Variants in GALM observed in about 807,000 individuals in gnomAD.
GALM encodes the protein aldose 1-epimerase.
GALM carries 43 observed loss-of-function variants against 37.4 expected under a neutral mutation model. That is an observed-to-expected ratio of 1.15 (90% CI 0.90 to 1.48). GALM has a LOEUF of 1.48. GALM is among the 40% of genes most tolerant of loss of function. GALM has a pLI of 0.00. For missense variants in GALM, 456 were observed against 419.1 expected (o/e 1.09, Z -0.77); for synonymous variants, 199 against 170.6 (o/e 1.17, Z -1.30).
intron 6 of GALM, among the ~76,000 whole-genome samples, chr2:38,732,806 G>A (rs963938531): frequency 6.6e-6 from 1 of 151,800 alleles, no homozygotes; most frequent in South Asian, 2.1e-4. Context: ...TGTGGCCCCA[G>A]CTACTTGGGA....
chr2:38,727,735 A>G (rs1256188566), intron 4 of GALM, among the ~76,000 whole-genome samples: 1 of 152,002 alleles, frequency 6.6e-6, no homozygotes, highest in Non-Finnish European at 1.5e-5. Context: ...AAAAAAAAAA[A>G]AAAAAGAAAA....
At chr2:38,715,650 C>G (rs1420016744) in intron 4 of GALM, among the ~76,000 whole-genome samples, 1 of 152,142 alleles carries the variant, frequency 6.6e-6, no homozygotes, top group Non-Finnish European at 1.5e-5. Context: ...CCTGGCTGGT[C>G]TTGAACTCCT....
At chr2:38,671,988 A>G (rs1193857621) in intron 1 of GALM, among the ~76,000 whole-genome samples, 1 of 151,990 alleles carries the variant, frequency 6.6e-6, no homozygotes, top group African/African-American at 2.4e-5. Flanking sequence ...CCTGTCTCAA[A>G]AAAACAAAAA....
chr2:38,728,284 C>T (rs369881625), intron 4 of GALM, among the ~76,000 whole-genome samples: 1 of 151,666 alleles, frequency 6.6e-6, no homozygotes, highest in African/African-American at 2.4e-5. Context: ...ATCCCAGCTA[C>T]TTGGGAGGCT....
chr2:38,698,052 T>C (rs968334403), intron 4 of GALM, among the ~76,000 whole-genome samples: 1 of 151,944 alleles, frequency 6.6e-6, no homozygotes, highest in Non-Finnish European at 1.5e-5. Flanking sequence ...CAAATGATCC[T>C]CTTGCTTCAG....
chr2:38,710,719 T>G (rs1028812976), intron 4 of GALM, among the ~76,000 whole-genome samples: 2 of 151,938 alleles, frequency 1.3e-5, no homozygotes, highest in Non-Finnish European at 2.9e-5. Context: ...CTATTTTTCT[T>G]ATGCTATGGT....
chr2:38,686,413 C>T (rs759362797), intron 3 of GALM, among the ~76,000 whole-genome samples: 3 of 151,670 alleles, frequency 2.0e-5, no homozygotes, highest in Non-Finnish European at 4.4e-5. Flanking sequence ...CTACAGGCGC[C>T]CACCACCATG....
chr2:38,715,974 G>C (rs1666263148), intron 4 of GALM, among the ~76,000 whole-genome samples: 1 of 152,222 alleles, frequency 6.6e-6, no homozygotes, highest in Admixed American at 6.5e-5. Context: ...ATACAGCAAA[G>C]AAAGCCAGCC....
At chr2:38,731,941 G>A (rs144594720) in intron 6 of GALM, 32 bp downstream of exon 6, 36 of 1,589,116 alleles carry the variant, frequency 2.3e-5, no homozygotes, top group Non-Finnish European at 2.9e-5. Flanking sequence ...TCAGAGTAGA[G>A]TTGTGTCCAA....
At chr2:38,705,836 AT>A (rs1253780940) in intron 4 of GALM, among the ~76,000 whole-genome samples, 6 of 151,580 alleles carry the variant, frequency 4.0e-5, no homozygotes, top group African/African-American at 1.5e-4. Context: ...ATGAGCTGGG[AT>A]TTTTTTTATT....
chr2:38,729,958 T>C (rs924034288), intron 5 of GALM, among the ~76,000 whole-genome samples: 2 of 152,126 alleles, frequency 1.3e-5, no homozygotes, highest in Admixed American at 6.5e-5. Flanking sequence ...AGGCCCATTT[T>C]CTGTTAGAAG....
At chr2:38,676,163 G>T in intron 2 of GALM, 97 bp downstream of exon 2, 2 of 1,237,424 alleles carry the variant, frequency 1.6e-6, no homozygotes, top group Non-Finnish European at 2.3e-6. Context: ...CACATGAGTG[G>T]TGAGATGCAG....
At chr2:38,725,472 G>A (rs1226783062) in intron 4 of GALM, among the ~76,000 whole-genome samples, 1 of 151,784 alleles carries the variant, frequency 6.6e-6, no homozygotes, top group Non-Finnish European at 1.5e-5. Context: ...GCAGGTCGAG[G>A]CTGCATTGAG....
chr2:38,715,271 T>C (rs1335289125), intron 4 of GALM, among the ~76,000 whole-genome samples: 3 of 152,216 alleles, frequency 2.0e-5, no homozygotes, highest in African/African-American at 4.8e-5. Context: ...AAGTGAGTTT[T>C]TGAAGGCAGC....
intron 4 of GALM, among the ~76,000 whole-genome samples, chr2:38,726,701 G>C (rs748152655): frequency 2.2e-4 from 33 of 151,664 alleles, no homozygotes; most frequent in Non-Finnish European, 4.7e-4. Flanking sequence ...CCTGAGACCA[G>C]CTTGGCCAAA....
intron 1 of GALM, among the ~76,000 whole-genome samples, chr2:38,675,539 TTTTTTGTGTGTGTGTGTGTG>T (rs1373435399): frequency 2.4e-5 from 2 of 83,424 alleles, no homozygotes; most frequent in African/African-American, 5.6e-5. Context: ...TTTTTTTTTT[TTTTTTGTGTGTGTGTGTGTG>T]TGTGTGTGTG....
intron 4 of GALM, among the ~76,000 whole-genome samples, chr2:38,715,740 G>A (rs182814421): frequency 3.3e-5 from 5 of 152,226 alleles, no homozygotes; most frequent in East Asian, 3.9e-4. Flanking sequence ...GCCTGCAATC[G>A]AGTTTTCCTA....
rs376959937 is a variant in GALM at position 38,681,298 on chromosome 2, G to C, written c.364G>C (p.Val122Leu). 2 of 1,613,406 alleles carry C rather than the reference G, an allele frequency of 1.2e-6. No homozygotes were observed. The highest frequency in any genetic ancestry group is 1.7e-6 in the Non-Finnish European group (2 of 1,180,006). ...TTTCCAGGTGCTCTGGACCCCTCGG[G>C]TGCTGTCAAATGGCGTCCAGTTCTC... ...GFDKVLWTPRVLSNGVQFSRI... is the reference protein window; with the variant it reads ...GFDKVLWTPRLLSNGVQFSRI... Residue 122 changes from valine to leucine, a missense_variant, in exon 3 of 7, where the codon GTG becomes CTG. Coordinates refer to ENST00000272252, the MANE Select transcript of GALM (RefSeq NM_138801.3).
intron 4 of GALM, among the ~76,000 whole-genome samples, chr2:38,711,761 C>T (rs1480591189): frequency 2.0e-5 from 3 of 149,776 alleles, no homozygotes; most frequent in South Asian, 2.2e-4. Flanking sequence ...ATCACTATCA[C>T]CACCATTATC....
Sources: allele counts gnomAD v4.1 joint callset (sites outside exome capture counted in the v4.1 genomes callset), GRCh38; gene constraint gnomAD v4.1.1; transcripts MANE v1.5; gene names NCBI Gene and HGNC (gene_info 2026-07-23, HGNC 2026-07-21).